The following RIT2 variants were observed in gnomAD, a reference collection of about 807,000 sequenced individuals.
RIT2 encodes the protein GTP-binding protein Rit2.
Under a neutral mutation model 23.7 loss-of-function variants are expected in RIT2, and 24 were observed. The ratio of observed to expected loss-of-function variants is 1.01; its 90% confidence interval spans 0.73 to 1.43. The LOEUF (loss-of-function observed/expected upper bound fraction) is 1.43. Ranked by LOEUF, RIT2 falls within the 40% of genes most tolerant of loss-of-function variation. RIT2 has a pLI of 0.00. For missense variants in RIT2, 236 were observed against 266.9 expected, an observed-to-expected ratio of 0.88 and a Z score of 0.81; for synonymous variants, 107 against 91.1, an observed-to-expected ratio of 1.17 and a Z score of -0.99.
chr18:43,058,522 G>A lies in RIT2; in HGVS notation c.104-24655C>T, dbSNP rs116036727. 3.0e-3 allele frequency among the ~76,000 whole-genome samples: 450 copies of A among 152,224 alleles called. 1 individual carries two copies. The highest frequency in any genetic ancestry group is 8.8e-3 in the African/African-American group (367 of 41,540). On this transcript the variant is annotated intron_variant, in intron 1 of 4. Transcript: ENST00000326695. ...GATACGTCCTTGTGTGTGTATGTGA[G>A]TAGGCAGGACACATACCCAAGAATC...
chr18:43,098,131 C>T (rs1454360222), intron 1 of RIT2, among the ~76,000 whole-genome samples: 2 of 151,910 alleles, frequency 1.3e-5, no homozygotes, highest in African/African-American at 4.8e-5. Context: ...AATACTGAAG[C>T]TATAACCTGG....
At chr18:43,095,731 G>A (rs1913536947) in intron 1 of RIT2, among the ~76,000 whole-genome samples, 1 of 151,914 alleles carries the variant, frequency 6.6e-6, no homozygotes. Flanking sequence ...GATTTGATCA[G>A]TTGAGCAACA....
chr18:42,825,006 G>T (rs1354343000), intron 4 of RIT2, among the ~76,000 whole-genome samples: 1 of 151,688 alleles, frequency 6.6e-6, no homozygotes, highest in Non-Finnish European at 1.5e-5. Flanking sequence ...TTAATTGCAG[G>T]AATCTGACAT....
At chr18:42,991,183 G>A (rs975366157) in intron 2 of RIT2, among the ~76,000 whole-genome samples, 4 of 152,140 alleles carry the variant, frequency 2.6e-5, no homozygotes, top group African/African-American at 9.7e-5. Context: ...GACAGAAGCA[G>A]CAATGCACTT....
At chr18:42,991,414 C>T (rs1308908144) in intron 2 of RIT2, among the ~76,000 whole-genome samples, 3 of 152,188 alleles carry the variant, frequency 2.0e-5, no homozygotes, top group Non-Finnish European at 2.9e-5. Flanking sequence ...GAAGTGTACT[C>T]TCAAAATTCA....
rs138233345 is a variant in RIT2, at chr18:43,033,434, G to C, written c.160+377C>G. 7.6e-3 allele frequency among the ~76,000 whole-genome samples: 1,154 copies of C among 152,208 alleles called. 9 individuals carry two copies. Among genetic ancestry groups the C allele is most frequent in the African/African-American group, 0.026 (1,072 of 41,526 alleles). ...AAATAACTCTGCAGTAGAAAATTCA[G>C]AGACTGACAGAAGTGAGCAAATACA... On this transcript the variant is annotated intron_variant, in intron 2 of 4. Coordinates refer to ENST00000326695, the MANE Select transcript of RIT2 (RefSeq NM_002930.4).
At chr18:42,773,768 G>A (rs1224850450) in intron 4 of RIT2, among the ~76,000 whole-genome samples, 1 of 152,124 alleles carries the variant, frequency 6.6e-6, no homozygotes, top group East Asian at 1.9e-4. Flanking sequence ...GGAAGTTGAA[G>A]AAAGGATCCT....
intron 3 of RIT2, among the ~76,000 whole-genome samples, chr18:42,942,730 C>T (rs929917498): frequency 1.3e-5 from 2 of 151,990 alleles, no homozygotes; most frequent in Non-Finnish European, 2.9e-5. Flanking sequence ...GGTGTTAGTC[C>T]ACAGTGGGTT....
At chr18:43,024,543 A>G (rs1326934532) in intron 2 of RIT2, among the ~76,000 whole-genome samples, 1 of 152,142 alleles carries the variant, frequency 6.6e-6, no homozygotes, top group Non-Finnish European at 1.5e-5. Context: ...CAAATGCAAC[A>G]AAAACAAAAA....
At chr18:42,836,895 T>C (rs936278330) in intron 4 of RIT2, among the ~76,000 whole-genome samples, 1 of 152,112 alleles carries the variant, frequency 6.6e-6, no homozygotes, top group Admixed American at 6.5e-5. Context: ...ATACTGCTCC[T>C]GATTGATAAG....
chr18:43,011,086 A>G (rs569366004), intron 2 of RIT2, among the ~76,000 whole-genome samples: 1 of 151,888 alleles, frequency 6.6e-6, no homozygotes, highest in Non-Finnish European at 1.5e-5. Flanking sequence ...GTCTCCAAAG[A>G]GAAAACATTT....
intron 4 of RIT2, among the ~76,000 whole-genome samples, chr18:42,843,530 C>CA (rs1906825613): frequency 6.6e-6 from 1 of 152,174 alleles, no homozygotes; most frequent in Non-Finnish European, 1.5e-5. Flanking sequence ...GACTCAGACA[C>CA]ATAGAGCCAC....
At chr18:42,794,469 A>C (rs1914110557) in intron 4 of RIT2, among the ~76,000 whole-genome samples, 1 of 152,250 alleles carries the variant, frequency 6.6e-6, no homozygotes, top group Non-Finnish European at 1.5e-5. Flanking sequence ...TTTTGCATTA[A>C]TTACAATGCT....
intron 4 of RIT2, among the ~76,000 whole-genome samples, chr18:42,778,852 C>CA (rs1913740467): frequency 6.6e-6 from 1 of 152,050 alleles, no homozygotes; most frequent in Non-Finnish European, 1.5e-5. Context: ...ACGGCACACA[C>CA]AAAAAAAGAG....
At chr18:42,983,524 C>A (rs1448080109) in intron 2 of RIT2, among the ~76,000 whole-genome samples, 1 of 152,084 alleles carries the variant, frequency 6.6e-6, no homozygotes, top group East Asian at 1.9e-4. Flanking sequence ...AAATCAATAT[C>A]TTTTACTCTA....
chr18:42,804,292 G>T (rs1205219193), intron 4 of RIT2, among the ~76,000 whole-genome samples: 1 of 152,092 alleles, frequency 6.6e-6, no homozygotes, highest in Non-Finnish European at 1.5e-5. Context: ...GGTGGCTCAA[G>T]CTTGTAATCT....
intron 1 of RIT2, among the ~76,000 whole-genome samples, chr18:43,056,036 A>C (rs1238000317): frequency 6.6e-6 from 1 of 152,076 alleles, no homozygotes; most frequent in African/African-American, 2.4e-5. Flanking sequence ...TGTGTGGATA[A>C]TCTACATGAG....
intron 3 of RIT2, among the ~76,000 whole-genome samples, chr18:42,942,750 C>T (rs557542500): frequency 5.3e-5 from 8 of 152,166 alleles, no homozygotes; most frequent in African/African-American, 1.9e-4. Context: ...TCCCACCTTG[C>T]ACCCTGAGCT....
At chr18:43,002,170 C>CA (rs1305227319) in intron 2 of RIT2, among the ~76,000 whole-genome samples, 3 of 151,920 alleles carry the variant, frequency 2.0e-5, no homozygotes, top group Non-Finnish European at 4.4e-5. Context: ...ACCACTGGTC[C>CA]AAGAGTTTAA....
Sources: allele counts gnomAD v4.1 joint callset (sites outside exome capture counted in the v4.1 genomes callset), GRCh38; gene constraint gnomAD v4.1.1; transcripts MANE v1.5; gene names NCBI Gene and HGNC (gene_info 2026-07-23, HGNC 2026-07-21).